SLC24A3: variants seen among roughly 807,000 people sequenced by gnomAD.
The protein encoded by SLC24A3 is sodium/potassium/calcium exchanger 3.
Under a neutral mutation model 75.8 loss-of-function variants are expected in SLC24A3, and 28 were observed. The ratio of observed to expected loss-of-function variants is 0.37; its 90% CI spans 0.27 to 0.51. The LOEUF is 0.51. Among genes scored for constraint, SLC24A3 ranks in the 20% least tolerant of loss-of-function variants. SLC24A3 has a pLI of 0.94. For missense variants in SLC24A3, 663 were observed against 847.8 expected (o/e 0.78, Z 2.71); for synonymous variants, 372 against 334.1 (o/e 1.11, Z -1.24).
At chr20:19,371,191 C>T (rs904801529) in intron 2 of SLC24A3, among the ~76,000 whole-genome samples, 15 of 152,220 alleles carry the variant, frequency 9.9e-5, no homozygotes, top group African/African-American at 3.1e-4. Flanking sequence ...TCAGCATTTC[C>T]TCCCCAATAG....
At chr20:19,580,296 C>T (rs3790262) in intron 4 of SLC24A3, among the ~76,000 whole-genome samples, 5,893 of 152,210 alleles carry the variant, frequency 0.039, 128 homozygotes, top group East Asian at 0.088. Flanking sequence ...CAGACGAAAA[C>T]CCACAGGACC....
intron 2 of SLC24A3, among the ~76,000 whole-genome samples, chr20:19,325,803 G>T (rs867458070): frequency 0.043 from 2,785 of 65,040 alleles, 27 homozygotes; most frequent in Admixed American, 0.048. Context: ...TATAGAGAGA[G>T]AGAGAGAGAG....
intron 2 of SLC24A3, among the ~76,000 whole-genome samples, chr20:19,480,333 T>C (rs1389265553): frequency 2.0e-5 from 3 of 152,208 alleles, no homozygotes; most frequent in African/African-American, 7.2e-5. Context: ...CATTGATGAT[T>C]CTGTGAAATG....
At chr20:19,626,329 G>A (rs142399408) in intron 6 of SLC24A3, among the ~76,000 whole-genome samples, 1 of 152,308 alleles carries the variant, frequency 6.6e-6, no homozygotes, top group African/African-American at 2.4e-5. Context: ...GGATAGGCAT[G>A]AAGCAGACCA....
At chr20:19,680,274 A>T (rs1036755618) in intron 9 of SLC24A3, among the ~76,000 whole-genome samples, 2 of 151,570 alleles carry the variant, frequency 1.3e-5, no homozygotes, top group African/African-American at 4.9e-5. Flanking sequence ...ATGGTTGGAA[A>T]CTGTTGATTA....
intron 8 of SLC24A3, among the ~76,000 whole-genome samples, chr20:19,671,284 G>A (rs1467381151): frequency 6.6e-6 from 1 of 152,172 alleles, no homozygotes; most frequent in Non-Finnish European, 1.5e-5. Context: ...CATTGAGGTG[G>A]GGCACAGATA....
Position 19,652,172 on chromosome 20 carries a change from T to A in SLC24A3, c.613-1890T>A, listed in dbSNP as rs1267926761. Among the ~76,000 whole-genome samples, 4 of 152,228 alleles carry A rather than the reference T, an allele frequency of 2.6e-5. No homozygotes were observed. In the East Asian group the frequency reaches 7.7e-4, roughly 29 times the overall value. On this transcript the variant is annotated intron_variant, in intron 6 of 16. Transcript: ENST00000328041. ...CAAAAATTTTGTTGTTCTTATCAGC[T>A]CTTCTATTCCTTTTGCATTGTGGGT... is the stretch of plus-strand genomic sequence containing the variant.
chr20:19,621,748 C>A (rs574478383), intron 6 of SLC24A3, among the ~76,000 whole-genome samples: 2 of 152,182 alleles, frequency 1.3e-5, no homozygotes, highest in Admixed American at 6.5e-5. Context: ...GTACCCAGAA[C>A]CACATGAAAG....
chr20:19,467,166 C>T (rs762299903), intron 2 of SLC24A3, among the ~76,000 whole-genome samples: 178 of 152,076 alleles, frequency 1.2e-3, no homozygotes, highest in Non-Finnish European at 1.9e-3. Context: ...AAAGCAAAAG[C>T]CGGGAAATCA....
At chr20:19,381,296 G>A (rs1471014709) in intron 2 of SLC24A3, among the ~76,000 whole-genome samples, 1 of 152,200 alleles carries the variant, frequency 6.6e-6, no homozygotes, top group African/African-American at 2.4e-5. Context: ...CTGGTTGGGA[G>A]AGGAGAATAA....
chr20:19,579,689 G>C (rs1381715062), intron 3 of SLC24A3, among the ~76,000 whole-genome samples: 6 of 152,184 alleles, frequency 3.9e-5, no homozygotes, highest in Admixed American at 3.9e-4. Context: ...GTGATGGCGT[G>C]AGCCAGTGGG....
At chr20:19,353,395 A>T (rs1334984107) in intron 2 of SLC24A3, among the ~76,000 whole-genome samples, 1 of 152,202 alleles carries the variant, frequency 6.6e-6, no homozygotes, top group African/African-American at 2.4e-5. Flanking sequence ...TTAAAAAAAA[A>T]TAGTCTTGGG....
rs140635885 is a variant in SLC24A3, at chr20:19,574,928, G to C, written c.349-5072G>C. Among the ~76,000 whole-genome samples the C allele has an allele frequency of 1.7e-3, 261 of 152,142 alleles. 1 individual carries two copies. The highest frequency in any genetic ancestry group is 6.0e-3 in the African/African-American group (248 of 41,510). ...TGCTTTTAGCAGCTGCTTGTGCCCT[G>C]TCCCTGCTACTTGGGCATTTCCCTT... On this transcript the variant is annotated intron_variant, in intron 3 of 16. Coordinates refer to ENST00000328041, the MANE Select transcript of SLC24A3 (RefSeq NM_020689.4).
In SLC24A3 at chr20:19,698,555, C is replaced by T. The variant is rs116246882; in HGVS notation, c.1607-13C>T. The stretch of plus-strand genomic sequence containing the variant: ...TTCCCTTCCCTCTCTTAAGTGACCT[C>T]TTGTCCCTGCAGGGATGGGGGACAT... On this transcript the variant is annotated splice_polypyrimidine_tract_variant and intron_variant, in intron 14 of 16. Transcript: ENST00000328041. 1,943 of 1,564,128 alleles carry T rather than the reference C, an allele frequency of 1.2e-3. 26 individuals are homozygous for T. The African/African-American group carries it at 0.022, about 18-fold the overall frequency.
At chr20:19,298,245 C>G (rs991752820) in intron 2 of SLC24A3, among the ~76,000 whole-genome samples, 1 of 152,206 alleles carries the variant, frequency 6.6e-6, no homozygotes, top group Non-Finnish European at 1.5e-5. Context: ...TTGCATGTGT[C>G]AGGGTCTTTG....
chr20:19,329,000 G>A (rs566059562), intron 2 of SLC24A3, among the ~76,000 whole-genome samples: 13 of 152,286 alleles, frequency 8.5e-5, no homozygotes, highest in Middle Eastern at 3.4e-3. Context: ...CCAGGGAGGC[G>A]GGAGTGAGCA....
intron 6 of SLC24A3, among the ~76,000 whole-genome samples, chr20:19,597,797 C>A (rs114702761): frequency 6.6e-6 from 1 of 152,148 alleles, no homozygotes; most frequent in Non-Finnish European, 1.5e-5. Flanking sequence ...TATTTTAGCT[C>A]CTACATATGA....
At chr20:19,698,186 G>T (rs375676371) in intron 14 of SLC24A3, among the ~76,000 whole-genome samples, 1 of 152,276 alleles carries the variant, frequency 6.6e-6, no homozygotes, top group East Asian at 1.9e-4. Flanking sequence ...ACCAATGGGG[G>T]ATGGTGTTAA....
intron 2 of SLC24A3, among the ~76,000 whole-genome samples, chr20:19,491,785 A>C (rs547245844): frequency 2.6e-5 from 4 of 152,186 alleles, no homozygotes; most frequent in Non-Finnish European, 5.9e-5. Flanking sequence ...GTGTCTCCCC[A>C]GTCAAAACAC....
Sources: allele counts gnomAD v4.1 joint callset (sites outside exome capture counted in the v4.1 genomes callset), GRCh38; gene constraint gnomAD v4.1.1; transcripts MANE v1.5; gene names NCBI Gene and HGNC (gene_info 2026-07-23, HGNC 2026-07-21).